VCAN: variants seen among roughly 807,000 people sequenced by gnomAD.
VCAN encodes versican.
VCAN carries 44 observed loss-of-function variants against 245.5 expected under a neutral mutation model. The ratio of observed to expected loss-of-function variants is 0.18; its 90% CI spans 0.14 to 0.23. The LOEUF (loss-of-function observed/expected upper bound fraction) is 0.23, where lower values mean the gene tolerates loss of function less well. Ranked by LOEUF, VCAN falls within the 10% of genes least tolerant of loss-of-function variation. The pLI is 1.00. For synonymous variants in VCAN, 1,413 were observed against 1,437.0 expected (o/e 0.98, Z 0.38); for missense variants, 3,793 against 4,057.9 (o/e 0.93, Z 1.77).
intron 7 of VCAN, chr5:83,531,255 G>T (rs1022143493): frequency 6.6e-6 from 1 of 152,100 alleles, no homozygotes; most frequent in Admixed American, 6.6e-5. Context: ...ACCCAAACTT[G>T]TTTATACACA....
chr5:83,520,722 G>C lies in VCAN; in HGVS notation c.2416G>C (p.Asp806His). 2 of 1,614,120 alleles carry C rather than the reference G, an allele frequency of 1.2e-6. No homozygotes were observed. Among genetic ancestry groups the C allele is most frequent in the Non-Finnish European group, 1.7e-6 (2 of 1,179,984 alleles). The change falls in exon 7 of 15, where the codon GAT (aspartate) becomes CAT (histidine). Residue 806 changes from aspartate (D) to histidine (H), a missense_variant. Coordinates refer to ENST00000265077, the MANE Select transcript of VCAN (RefSeq NM_004385.5). ...AGCCACTGTATCAAAATGGTCATGGGATGAAGATAATACAACATCCAAGCC... is the reference window on the plus strand; with the variant it reads ...AGCCACTGTATCAAAATGGTCATGGCATGAAGATAATACAACATCCAAGCC... ...EAATVSKWSW[D>H]EDNTTSKPLE...
chr5:83,542,064 G>A lies in VCAN; in HGVS notation c.9061G>A (p.Gly3021Arg), dbSNP rs186615865. Reference protein sequence around the residue: ...NPETQAALIRGQDSTIAASEQ... With the variant: ...NPETQAALIRRQDSTIAASEQ... ...TGAAACTCAAGCAGCTTTAATCAGA[G>A]GGCAGGATTCCACGATAGCAGCATC... The change falls in exon 8 of 15, where the codon GGG (glycine) becomes AGG (arginine). Residue 3021 changes from glycine to arginine, a missense_variant. Gly to Arg is a moderately radical substitution (Grantham distance 125). Around this residue, in one of 5 missense-constraint regions of VCAN, gnomAD observed 3,182 missense variants for 3,250.3 expected, o/e 0.98. Transcript: ENST00000265077. 1 of 1,613,384 alleles carries A rather than the reference G, an allele frequency of 6.2e-7. No homozygotes were observed. Among genetic ancestry groups the A allele is most frequent in the African/African-American group, 1.3e-5 (1 of 75,026 alleles).
chr5:83,526,852 C>T (rs1258549536), intron 7 of VCAN, among the ~76,000 whole-genome samples: 1 of 152,204 alleles, frequency 6.6e-6, no homozygotes, highest in African/African-American at 2.4e-5. Flanking sequence ...CAAACTCACA[C>T]TTCGGGCTTC....
At chr5:83,564,758 C>T (rs1222004580) in intron 12 of VCAN, among the ~76,000 whole-genome samples, 1 of 151,254 alleles carries the variant, frequency 6.6e-6, no homozygotes, top group Non-Finnish European at 1.5e-5. Flanking sequence ...GTGACTGAAC[C>T]GTTCAAGAGA....
intron 1 of VCAN, among the ~76,000 whole-genome samples, chr5:83,473,272 GGA>G (rs1561220210): frequency 6.6e-6 from 1 of 152,190 alleles, no homozygotes; most frequent in East Asian, 1.9e-4. Flanking sequence ...GTTAGGCAGA[GGA>G]GAGCGGGGTA....
intron 12 of VCAN, among the ~76,000 whole-genome samples, chr5:83,571,115 A>T (rs542595686): frequency 1.9e-3 from 296 of 152,280 alleles, no homozygotes; most frequent in Non-Finnish European, 3.6e-3. Flanking sequence ...ATAAAGCATG[A>T]GAGTAGCCAA....
At chr5:83,515,351 A>G (rs1259278007) in intron 6 of VCAN, among the ~76,000 whole-genome samples, 1 of 152,242 alleles carries the variant, frequency 6.6e-6, no homozygotes, top group Non-Finnish European at 1.5e-5. Flanking sequence ...ACAGAATGTG[A>G]TTAATTATCT....
intron 3 of VCAN, 27 bp downstream of exon 3, chr5:83,490,499 G>A (rs1744947246): frequency 6.2e-7 from 1 of 1,612,580 alleles, no homozygotes; most frequent in Admixed American, 1.7e-5. Flanking sequence ...CTGCAAGAAG[G>A]TAGTATAACA....
chr5:83,499,351 A>G (rs112289599), intron 5 of VCAN, among the ~76,000 whole-genome samples: 10 of 152,258 alleles, frequency 6.6e-5, no homozygotes, highest in African/African-American at 2.4e-4. Context: ...ATGTTTCCCA[A>G]CTGCAATCAA....
chr5:83,511,744 C>A (rs1245817707), intron 5 of VCAN, among the ~76,000 whole-genome samples: 1 of 152,026 alleles, frequency 6.6e-6, no homozygotes, highest in Non-Finnish European at 1.5e-5. Context: ...ACATAGCAGA[C>A]TTTTTCCTTA....
rs309557 is a variant in VCAN, at chr5:83,538,811, T to C, written c.5808T>C (p.Gly1936=). 0.49 allele frequency: 783,243 copies of C among 1,613,530 alleles called. 190,969 individuals carry two copies. Among genetic ancestry groups the C allele is most frequent in the Admixed American group, 0.52 (31,207 of 59,956 alleles). Reference sequence around the variant, plus strand: ...TTCCTTTGGAGGAAGATTTCAGTGGTGACTTTAGAGAATACTCAACAGTGT... The same window carrying C: ...TTCCTTTGGAGGAAGATTTCAGTGGCGACTTTAGAGAATACTCAACAGTGT... The part of the protein sequence containing the change: ...TGFPLEEDFS[G]DFREYSTVSH... Residue 1936 remains glycine (G), a synonymous_variant, in exon 8 of 15, where the codon GGT becomes GGC. Coordinates refer to ENST00000265077, the MANE Select transcript of VCAN (RefSeq NM_004385.5).
chr5:83,485,890 AG>A (rs1200178754), intron 2 of VCAN, among the ~76,000 whole-genome samples: 1 of 152,194 alleles, frequency 6.6e-6, no homozygotes, highest in African/African-American at 2.4e-5. Flanking sequence ...GATTGAGCCC[AG>A]TAGTTCAAGA....
At chr5:83,560,961 C>T (rs1021110391) in intron 12 of VCAN, among the ~76,000 whole-genome samples, 2 of 152,010 alleles carry the variant, frequency 1.3e-5, no homozygotes, top group East Asian at 1.9e-4. Context: ...GTATAGAGGC[C>T]GAGGACTGAA....
At chr5:83,494,540 C>A (rs1478616568) in intron 5 of VCAN, among the ~76,000 whole-genome samples, 1 of 152,314 alleles carries the variant, frequency 6.6e-6, no homozygotes, top group South Asian at 2.1e-4. Context: ...CCTTTCAAGT[C>A]GCTTACAGTC....
chr5:83,478,377 T>C (rs1399847400), intron 1 of VCAN, among the ~76,000 whole-genome samples: 1 of 152,250 alleles, frequency 6.6e-6, no homozygotes, highest in African/African-American at 2.4e-5. Flanking sequence ...TCACTTTTTT[T>C]TGATTCTTTA....
chr5:83,538,437 A>T lies in VCAN; in HGVS notation c.5434A>T (p.Ile1812Phe), dbSNP rs144492806. The part of the protein sequence containing the change: ...LGAQTTEHSS[I>F]HQPGVQEGLT... ...GGCACAGACCACTGAGCACAGCAGT[A>T]TCCATCAACCTGGGGTTCAGGAAGG... is the stretch of plus-strand genomic sequence containing the variant. The change falls in exon 8 of 15, where the codon ATC (isoleucine) becomes TTC (phenylalanine). Residue 1812 changes from isoleucine to phenylalanine, a missense_variant. Physicochemically the swap from Ile to Phe is conservative, Grantham distance 21. This residue lies in a region of VCAN where 3,182 missense variants were observed against 3,250.3 expected (regional missense o/e 0.98). Coordinates refer to ENST00000265077, the MANE Select transcript of VCAN (RefSeq NM_004385.5). The T allele has an allele frequency of 1.9e-6, 3 of 1,614,048 alleles. No homozygotes were observed. In the South Asian group the frequency reaches 3.3e-5, roughly 18 times the overall value.
Position 83,539,914 on chromosome 5 carries a change from T to G in VCAN, c.6911T>G (p.Met2304Arg), listed in dbSNP as rs753027786. 1 of 1,614,044 alleles carries G rather than the reference T, an allele frequency of 6.2e-7. No individual in the cohort carries two copies. The highest frequency in any genetic ancestry group is 1.1e-5 in the South Asian group (1 of 91,080). The change falls in exon 8 of 15, where the codon ATG becomes AGG. Residue 2304 changes from methionine (M) to arginine (R), a missense_variant. By Grantham distance (91) the Met-to-Arg change is moderately conservative. Coordinates refer to ENST00000265077, the MANE Select transcript of VCAN (RefSeq NM_004385.5). ...GACAAAATTGAAGACTTTAACAGAA[T>G]GGAAAATGTGGCAAAAGAAGTTGGA... The part of the protein sequence containing the change: ...SSDKIEDFNR[M>R]ENVAKEVGPL...
chr5:83,579,805 C>T (rs1748605664), intron 13 of VCAN, among the ~76,000 whole-genome samples, 175 bp from the exon 14 acceptor site: 1 of 151,956 alleles, frequency 6.6e-6, no homozygotes, highest in African/African-American at 2.4e-5. Context: ...CAAAGTAGGC[C>T]CAGAGCCTCA....
At chr5:83,533,172 G>A (rs1016559850) in intron 7 of VCAN, among the ~76,000 whole-genome samples, 1 of 151,994 alleles carries the variant, frequency 6.6e-6, no homozygotes, top group Non-Finnish European at 1.5e-5. Context: ...TTATTTTGAT[G>A]TGCTGCCAGC....
Sources: gnomAD v4.1 joint callset for allele counts (sites outside exome capture counted in the v4.1 genomes callset) on GRCh38, gnomAD v4.1.1 for gene constraint, gnomAD v4.1.1 regional missense constraint, MANE v1.5 for transcripts, NCBI Gene and HGNC (gene_info 2026-07-23, HGNC 2026-07-21) for gene names.